Variants in ZEB1 observed in about 807,000 individuals in gnomAD.
The protein encoded by ZEB1 is zinc finger E-box-binding homeobox 1.
A neutral mutation model predicts 84.9 loss-of-function variants in ZEB1; 21 were observed. The observed-to-expected ratio is 0.25, with a 90% CI of 0.18 to 0.36. The LOEUF (loss-of-function observed/expected upper bound fraction) is 0.36, where lower values mean the gene tolerates loss of function less well. Among genes scored for constraint, ZEB1 ranks in the 10% least tolerant of loss-of-function variants. The pLI, the probability that ZEB1 is intolerant of heterozygous loss-of-function variation, is 1.00. For missense variants in ZEB1, 1,104 were observed against 1,330.2 expected (o/e 0.83, Z 2.65); for synonymous variants, 420 against 471.1 (o/e 0.89, Z 1.41).
intron 3 of ZEB1, among the ~76,000 whole-genome samples, chr10:31,497,207 A>G (rs1735678): frequency 0.72 from 109,396 of 151,700 alleles, 47,635 homozygotes; most frequent in Non-Finnish European, 0.95. Flanking sequence ...TTAAACTTTG[A>G]TGACTTATAT....
At position 31,521,757 on chromosome 10, in the gene ZEB1, AC is replaced by A; in HGVS notation, c.2426del (p.Thr809MetfsTer19). The A allele has an allele frequency of 6.2e-7, 1 of 1,614,118 alleles. No homozygotes were observed. Among genetic ancestry groups the A allele is most frequent in the Non-Finnish European group, 8.5e-7 (1 of 1,180,016 alleles). On this transcript the variant is annotated frameshift_variant, in exon 7 of 9. Coordinates refer to ENST00000424869, the MANE Select transcript of ZEB1 (RefSeq NM_001174096.2). LOFTEE classifies it high-confidence loss of function. ...CATAAATATCGCTATACCTACAGTC[AC>A]TGCCCAGTTACCCACAATCGTGGCC... ...NPINIAIPTV[T>X]AQLPTIVAIA...
At chr10:31,468,901 A>G (rs1056768080) in intron 2 of ZEB1, among the ~76,000 whole-genome samples, 3 of 152,228 alleles carry the variant, frequency 2.0e-5, no homozygotes, top group Non-Finnish European at 4.4e-5. Flanking sequence ...AAAGGACCAC[A>G]TTAGCTCTCT....
chr10:31,319,311 C>T lies in ZEB1; in HGVS notation c.58+19C>T, dbSNP rs769756431. ...AATAACGGTGAGTGGCGGAGGGGAC[C>T]GGGGAGCGGCGGAGTCAGGGGGAGC... is the stretch of plus-strand genomic sequence containing the variant. On this transcript the variant is annotated intron_variant, in intron 1 of 8. Coordinates refer to ENST00000424869, the MANE Select transcript of ZEB1 (RefSeq NM_001174096.2). The T allele has an allele frequency of 1.3e-6, 2 of 1,591,978 alleles. No homozygotes were observed. Among genetic ancestry groups the T allele is most frequent in the East Asian group, 2.3e-5 (1 of 43,772 alleles).
intron 1 of ZEB1, among the ~76,000 whole-genome samples, chr10:31,455,269 G>A (rs1038897227): frequency 6.6e-6 from 1 of 152,098 alleles, no homozygotes; most frequent in Non-Finnish European, 1.5e-5. Flanking sequence ...AACTCAAGAC[G>A]GATCAAAGAC....
chr10:31,490,599 C>A (rs2066391854), intron 2 of ZEB1, among the ~76,000 whole-genome samples: 1 of 151,380 alleles, frequency 6.6e-6, no homozygotes, highest in South Asian at 2.1e-4. Context: ...CAGTGTTTAC[C>A]CTTACTTCTT....
intron 3 of ZEB1, among the ~76,000 whole-genome samples, chr10:31,496,814 G>T (rs192644623): frequency 6.6e-6 from 1 of 151,928 alleles, no homozygotes; most frequent in Admixed American, 6.6e-5. Flanking sequence ...CTTTCATTAG[G>T]TAAGATGAGG....
chr10:31,359,562 C>A (rs1048748681), intron 1 of ZEB1, among the ~76,000 whole-genome samples: 7 of 151,926 alleles, frequency 4.6e-5, no homozygotes, highest in African/African-American at 1.5e-4. Context: ...AACCTTATAC[C>A]TTTTGGAATT....
intron 4 of ZEB1, among the ~76,000 whole-genome samples, chr10:31,509,890 G>T (rs2069666233): frequency 6.6e-6 from 1 of 152,174 alleles, no homozygotes; most frequent in African/African-American, 2.4e-5. Flanking sequence ...AGCTCCAAGT[G>T]TAAAAATAAA....
intron 2 of ZEB1, among the ~76,000 whole-genome samples, chr10:31,483,986 C>A (rs1235289984): frequency 6.6e-6 from 1 of 151,942 alleles, no homozygotes; most frequent in East Asian, 1.9e-4. Flanking sequence ...ATACAAGGAC[C>A]CCATTTCCTT....
intron 1 of ZEB1, among the ~76,000 whole-genome samples, chr10:31,449,744 C>T (rs936843613): frequency 6.6e-6 from 1 of 151,992 alleles, no homozygotes; most frequent in Non-Finnish European, 1.5e-5. Flanking sequence ...GTTCTCCTAC[C>T]ACCACCATTA....
rs115282327 is a variant in ZEB1 at position 31,327,069 on chromosome 10, C to T, written c.58+7777C>T. Among the ~76,000 whole-genome samples the T allele has an allele frequency of 5.9e-3, 818 of 139,740 alleles. 13 individuals carry two copies. The highest frequency in any genetic ancestry group is 0.02 in the African/African-American group (783 of 38,536). The allele number at this position is 139,740 out of a possible 152,430, so 91.7% of individuals were successfully genotyped here. A position where few individuals can be genotyped will look rare whatever the true frequency, so the allele number is the denominator to read the frequency against. Reference sequence around the variant, plus strand: ...TAAGTGCTATAAGTGCTACTTTGCTCTATCATTTACTTTCTTTTTCTTTTC... The same window carrying T: ...TAAGTGCTATAAGTGCTACTTTGCTTTATCATTTACTTTCTTTTTCTTTTC... On this transcript the variant is annotated intron_variant, in intron 1 of 8. Coordinates refer to ENST00000424869, the MANE Select transcript of ZEB1 (RefSeq NM_001174096.2).
At chr10:31,362,148 T>G (rs997814520) in intron 1 of ZEB1, among the ~76,000 whole-genome samples, 10 of 151,294 alleles carry the variant, frequency 6.6e-5, no homozygotes, top group Non-Finnish European at 1.0e-4. Flanking sequence ...GCTCCTTGTT[T>G]CCCAGATGGG....
intron 1 of ZEB1, among the ~76,000 whole-genome samples, chr10:31,369,165 GATGTGCTT>G (rs2045209421): frequency 6.6e-6 from 1 of 152,130 alleles, no homozygotes; most frequent in Admixed American, 6.5e-5. Flanking sequence ...TATACAGTGT[GATGTGCTT>G]ATGCTAATTA....
chr10:31,325,095 G>C (rs994184725), intron 1 of ZEB1, among the ~76,000 whole-genome samples: 1 of 151,978 alleles, frequency 6.6e-6, no homozygotes, highest in African/African-American at 2.4e-5. Flanking sequence ...GGTGGGTTAC[G>C]CTGTTAACTT....
intron 3 of ZEB1, among the ~76,000 whole-genome samples, chr10:31,498,867 ATTAC>A (rs1038922883): frequency 4.6e-5 from 7 of 152,016 alleles, no homozygotes; most frequent in Admixed American, 2.6e-4. Flanking sequence ...ACGTATATTA[ATTAC>A]TTCATAAACA....
At position 31,431,543 on chromosome 10, in the gene ZEB1, T is replaced by C. The variant is rs1159403817; in HGVS notation, c.59-29494T>C. Among the ~76,000 whole-genome samples, 6 of 152,170 alleles carry C rather than the reference T, an allele frequency of 3.9e-5. No individual in the cohort carries two copies. The East Asian group carries it at 1.2e-3, about 29-fold the overall frequency. ...CAAAATTTATTTTAAATTTTAGTTT[T>C]AATAAGCTTTTTTAAACTCCGCATC... On this transcript the variant is annotated intron_variant, in intron 1 of 8. Transcript: ENST00000424869.
rs3086583 is a variant in ZEB1, at chr10:31,527,412, AAC to A, written c.*188_*189del. On this transcript the variant is annotated 3_prime_UTR_variant, in exon 9 of 9. Transcript: ENST00000424869. ...AAAACTAAAAAAATACAAAATACAA[AAC>A]ACACACACACACACACACACACACA... 48,264 of 511,186 alleles carry A rather than the reference AAC, an allele frequency of 0.094. 556 individuals are homozygous for A. Among genetic ancestry groups the A allele is most frequent in the East Asian group, 0.16 (4,134 of 25,114 alleles). The allele number at this position is 511,186 out of a possible 1,614,324, so 31.7% of individuals were successfully genotyped here.
chr10:31,420,131 G>A (rs1041304664), intron 1 of ZEB1, among the ~76,000 whole-genome samples: 11 of 152,012 alleles, frequency 7.2e-5, no homozygotes, highest in Admixed American at 1.3e-4. Flanking sequence ...GCCCAGGACC[G>A]GACAACCTAA....
rs537392925 is a variant in ZEB1 at position 31,443,123 on chromosome 10, T to C, written c.59-17914T>C. Among the ~76,000 whole-genome samples the C allele has an allele frequency of 4.6e-5, 7 of 152,332 alleles. No individual in the cohort carries two copies. In the East Asian group the frequency reaches 1.3e-3, roughly 29 times the overall value. On this transcript the variant is annotated intron_variant, in intron 1 of 8. Transcript: ENST00000424869. ...AAAATATAAGATTAAAATGGATATT[T>C]CTTCTGTTACTGAGGTTGAGCATCT...
Sources: gnomAD v4.1 joint callset for allele counts (sites outside exome capture counted in the v4.1 genomes callset) on GRCh38, gnomAD v4.1.1 for gene constraint, MANE v1.5 for transcripts, NCBI Gene and HGNC (gene_info 2026-07-23, HGNC 2026-07-21) for gene names.